TBC1D32: variants seen among roughly 807,000 people sequenced by gnomAD.
The protein encoded by TBC1D32 is TBC1 domain family member 32, also known as protein broad-minded.
In TBC1D32, 151 loss-of-function variants were observed where a neutral mutation model predicts 170.3. The observed-to-expected ratio is 0.89, with a 90% CI of 0.78 to 1.01. TBC1D32 has a LOEUF of 1.01. Ranked by LOEUF, TBC1D32 falls within the 50% of genes least tolerant of loss-of-function variation. The pLI, the probability that TBC1D32 is intolerant of heterozygous loss-of-function variation, is 0.00. For missense variants in TBC1D32, 1,464 were observed against 1,457.1 expected, an observed-to-expected ratio of 1.00 and a Z score of -0.08; for synonymous variants, 498 against 488.0, an observed-to-expected ratio of 1.02 and a Z score of -0.27.
intron 5 of TBC1D32, 141 bp from the exon 6 acceptor site, chr6:121,304,974 T>C (rs1807107626): frequency 3.2e-6 from 2 of 630,958 alleles, no homozygotes; most frequent in Admixed American, 3.3e-5. Context: ...AATGTACTTA[T>C]TTAAAAAGGG....
intron 20 of TBC1D32, among the ~76,000 whole-genome samples, chr6:121,235,061 C>T (rs755339554): frequency 1.2e-4 from 18 of 152,260 alleles, no homozygotes; most frequent in Non-Finnish European, 2.1e-4. Flanking sequence ...TGATGTGATC[C>T]GTCTTCAGGT....
chr6:121,146,275 A>G (rs1783437005), intron 24 of TBC1D32, among the ~76,000 whole-genome samples: 2 of 152,194 alleles, frequency 1.3e-5, no homozygotes, highest in South Asian at 4.1e-4. Context: ...AATAAGGGAG[A>G]AAAGAAAAAG....
chr6:121,179,344 G>A (rs774450448), intron 22 of TBC1D32, among the ~76,000 whole-genome samples: 2 of 149,390 alleles, frequency 1.3e-5, no homozygotes, highest in Non-Finnish European at 3.0e-5. Context: ...TAGGTGGCCT[G>A]TAAAAAAAAA....
chr6:121,191,073 G>T (rs781493306), intron 22 of TBC1D32, among the ~76,000 whole-genome samples: 2 of 151,520 alleles, frequency 1.3e-5, no homozygotes, highest in Non-Finnish European at 2.9e-5. Context: ...GCACACATAT[G>T]TATATGTGCT....
At chr6:121,210,023 A>G (rs1049347977) in intron 21 of TBC1D32, among the ~76,000 whole-genome samples, 2 of 152,214 alleles carry the variant, frequency 1.3e-5, no homozygotes, top group African/African-American at 4.8e-5. Flanking sequence ...AAGCAATTAA[A>G]AAATTGTGTA....
intron 29 of TBC1D32, among the ~76,000 whole-genome samples, chr6:121,109,483 C>T (rs1354465131): frequency 6.6e-6 from 1 of 152,060 alleles, no homozygotes; most frequent in Non-Finnish European, 1.5e-5. Flanking sequence ...ATGATCACTA[C>T]TTTAATTTAT....
intron 26 of TBC1D32, among the ~76,000 whole-genome samples, chr6:121,117,412 G>A (rs1779793753): frequency 6.6e-6 from 1 of 152,056 alleles, no homozygotes; most frequent in South Asian, 2.1e-4. Flanking sequence ...ATTTAAAAAG[G>A]GGCTTCAAGT....
chr6:121,323,404 C>A (rs1810020349), intron 1 of TBC1D32, among the ~76,000 whole-genome samples: 1 of 152,178 alleles, frequency 6.6e-6, no homozygotes, highest in Admixed American at 6.6e-5. Flanking sequence ...TCAGTCAGAG[C>A]TAGAGCCATT....
At chr6:121,237,093 T>C (rs1796420105) in intron 20 of TBC1D32, 1 of 152,064 alleles carries the variant, frequency 6.6e-6, no homozygotes, top group Admixed American at 6.6e-5. Context: ...AATATTTTCT[T>C]AGCCTTTGTT....
chr6:121,113,016 T>C (rs1318918406), intron 28 of TBC1D32, 46 bp downstream of exon 28: 3 of 1,396,042 alleles, frequency 2.1e-6, no homozygotes, highest in South Asian at 1.3e-5. Context: ...TCATGAAAAA[T>C]ATGTGAAAAA....
chr6:121,161,439 G>A (rs1785643916), intron 22 of TBC1D32, among the ~76,000 whole-genome samples: 1 of 151,630 alleles, frequency 6.6e-6, no homozygotes, highest in Non-Finnish European at 1.5e-5. Flanking sequence ...ACTTATAAGT[G>A]AGAACATAGA....
intron 15 of TBC1D32, among the ~76,000 whole-genome samples, chr6:121,256,772 C>T (rs1266600327): frequency 2.0e-5 from 3 of 151,466 alleles, no homozygotes; most frequent in Non-Finnish European, 4.4e-5. Context: ...TGGGTTCAAG[C>T]GATTCTCCTG....
chr6:121,151,183 A>G (rs1784165931), intron 24 of TBC1D32, among the ~76,000 whole-genome samples: 1 of 152,152 alleles, frequency 6.6e-6, no homozygotes, highest in African/African-American at 2.4e-5. Context: ...GCTGTGTCCC[A>G]GAGATTCTGG....
intron 22 of TBC1D32, among the ~76,000 whole-genome samples, chr6:121,193,921 C>T (rs1424620159): frequency 6.6e-6 from 1 of 152,178 alleles, no homozygotes; most frequent in African/African-American, 2.4e-5. Context: ...AAGCACCCCA[C>T]TTCAGTACCA....
rs767852863 is a variant in TBC1D32 at position 121,220,847 on chromosome 6, G to T, written c.2481+2389C>A. 4.6e-4 allele frequency among the ~76,000 whole-genome samples: 70 copies of T among 151,832 alleles called. 1 individual carries two copies. The highest frequency in any genetic ancestry group is 9.0e-4 in the Non-Finnish European group (61 of 67,954). On this transcript the variant is annotated intron_variant, in intron 21 of 31. Transcript: ENST00000398212. ...CTAGACACGGGGTTTCACCATGTTG[G>T]CCAGGCTGCTCTCGAACTCCAGACC...
intron 12 of TBC1D32, among the ~76,000 whole-genome samples, chr6:121,287,826 C>T (rs890390774): frequency 6.6e-6 from 1 of 152,142 alleles, no homozygotes; most frequent in African/African-American, 2.4e-5. Context: ...TGCAATCAAA[C>T]TAGAACTCAG....
chr6:121,255,530 T>TAATTATATTTTATAATTATATTTTG (rs1280529108), intron 16 of TBC1D32, 120 bp from the exon 17 acceptor site: 1 of 241,908 alleles, frequency 4.1e-6, no homozygotes, highest in Non-Finnish European at 7.4e-6. Flanking sequence ...TTTATATTTC[T>TAATTATATTTTATAATTATATTTTG]TACTGATAGC....
chr6:121,087,135 T>A (rs1426294938), intron 31 of TBC1D32, among the ~76,000 whole-genome samples: 1 of 152,186 alleles, frequency 6.6e-6, no homozygotes, highest in African/African-American at 2.4e-5. Flanking sequence ...CCAGCCCACA[T>A]TCTTGTTGTG....
chr6:121,308,097 C>T lies in TBC1D32; in HGVS notation c.569G>A (p.Arg190Lys). Residue 190 changes from arginine to lysine, a missense_variant, in exon 5 of 32, where the codon AGA becomes AAA. By Grantham distance (26) the Arg-to-Lys change is conservative. This residue lies in a region of TBC1D32 where 1,363 missense variants were observed against 1,338.1 expected (regional missense o/e 1.02). Transcript: ENST00000398212. ...QLDPGQPKEV[R>K]YEALQTLCSA... ...ACATAATGTTTGCAAGGCTTCATAT[C>T]TCACCTACAATTTTTTTAAAAGACT... The T allele has an allele frequency of 6.2e-7, 1 of 1,609,364 alleles. No individual in the cohort carries two copies. Among genetic ancestry groups the T allele is most frequent in the Non-Finnish European group, 8.5e-7 (1 of 1,178,898 alleles).
Sources: allele counts gnomAD v4.1 joint callset (sites outside exome capture counted in the v4.1 genomes callset), GRCh38; gene constraint gnomAD v4.1.1; regional missense constraint gnomAD v4.1.1; transcripts MANE v1.5; gene names NCBI Gene and HGNC (gene_info 2026-07-23, HGNC 2026-07-21).